Variants in THRAP3 observed in about 807,000 individuals in gnomAD.
The protein encoded by THRAP3 is thyroid hormone receptor-associated protein 3.
Under a neutral mutation model 101.0 loss-of-function variants are expected in THRAP3, and 16 were observed. The observed-to-expected ratio is 0.16, with a 90% CI of 0.11 to 0.24. The LOEUF (loss-of-function observed/expected upper bound fraction) is 0.24. THRAP3 is among the 10% of genes least tolerant of loss of function. The pLI is 1.00. For missense variants in THRAP3, 989 were observed against 1,202.7 expected, an observed-to-expected ratio of 0.82 and a Z score of 2.63; for synonymous variants, 407 against 422.6, an observed-to-expected ratio of 0.96 and a Z score of 0.45.
chr1:36,271,591 CTTTTTTTTTT>C (rs34782789), intron 2 of THRAP3, among the ~76,000 whole-genome samples: 1 of 60,136 alleles, frequency 1.7e-5, no homozygotes, highest in African/African-American at 6.0e-5. Context: ...TTTTTCTTAT[CTTTTTTTTTT>C]TTTTTTTTTT....
At chr1:36,235,491 T>G (rs1307221901) in intron 1 of THRAP3, among the ~76,000 whole-genome samples, 1 of 152,146 alleles carries the variant, frequency 6.6e-6, no homozygotes, top group Non-Finnish European at 1.5e-5. Flanking sequence ...AAAAATTGGT[T>G]GACCATTTTG....
the THRAP3 span, among the ~76,000 whole-genome samples, chr1:36,208,056 G>A: frequency 3.3e-5 from 5 of 152,148 alleles, no homozygotes; most frequent in Non-Finnish European, 5.9e-5. Context: ...GCCTACCAAA[G>A]TGCTGGGATT....
chr1:36,237,162 C>G (rs545852893), intron 1 of THRAP3, among the ~76,000 whole-genome samples: 1 of 151,240 alleles, frequency 6.6e-6, no homozygotes, highest in South Asian at 2.1e-4. Context: ...AACTCCATCT[C>G]AAAACAAAAA....
chr1:36,258,975 C>T (rs1246367441), intron 1 of THRAP3, among the ~76,000 whole-genome samples: 2 of 152,134 alleles, frequency 1.3e-5, no homozygotes, highest in African/African-American at 2.4e-5. Flanking sequence ...TGGGTAGGTA[C>T]GGAGAGTTAC....
At position 36,286,494 on chromosome 1, in the gene THRAP3, G is replaced by T. The variant is rs1274587508; in HGVS notation, c.264G>T (p.Gly88=). The T allele has an allele frequency of 6.2e-7, 1 of 1,614,012 alleles. No individual in the cohort carries two copies. The highest frequency in any genetic ancestry group is 1.3e-5 in the African/African-American group (1 of 74,892). ...RGYRRPYYFR[G]RNRGFYPWGQ... ...ATAGAAGGCCCTATTATTTCCGTGG[G>T]CGTAACAGAGGCTTTTATCCATGGG... Residue 88 remains glycine, a synonymous_variant, in exon 4 of 12, where the codon GGG becomes GGT. Coordinates refer to ENST00000354618, the MANE Select transcript of THRAP3 (RefSeq NM_005119.4). This position sits in a 1 kb window ranked among gnomAD's most constrained non-coding sequence, Gnocchi z 5.5.
intron 2 of THRAP3, among the ~76,000 whole-genome samples, chr1:36,274,438 C>T (rs953249718): frequency 1.3e-5 from 2 of 152,052 alleles, no homozygotes; most frequent in Non-Finnish European, 2.9e-5. Flanking sequence ...TTCATATGGA[C>T]ATGTACCTAG....
At position 36,286,743 on chromosome 1, in the gene THRAP3, T is replaced by C. The variant is rs766588276; in HGVS notation, c.513T>C (p.Ser171=). ...CCTCCAACCATAGCCGAGTTGAATC[T>C]TCTAAGCGCAAGTCTGCAAAGGAGA... is the stretch of plus-strand genomic sequence containing the variant. ...RSSSNHSRVE[S]SKRKSAKEKK... is the part of the protein sequence containing the mutation. The change falls in exon 4 of 12, where the codon TCT becomes TCC. Residue 171 remains serine, a synonymous_variant. Transcript: ENST00000354618. This position sits in a 1 kb window ranked among gnomAD's most constrained non-coding sequence, Gnocchi z 5.5. 6.2e-7 allele frequency: 1 copy of C among 1,614,112 alleles called. No homozygotes were observed. The highest frequency in any genetic ancestry group is 1.3e-5 in the African/African-American group (1 of 74,948).
At chr1:36,243,440 A>G (rs1354635733) in intron 1 of THRAP3, among the ~76,000 whole-genome samples, 1 of 151,986 alleles carries the variant, frequency 6.6e-6, no homozygotes, top group Non-Finnish European at 1.5e-5. Flanking sequence ...TTAACAAAGC[A>G]CATCTTGCAC....
At position 36,301,010 on chromosome 1, in the gene THRAP3, G is replaced by A. The variant is rs1646024483; in HGVS notation, c.2428G>A (p.Asp810Asn). 1 of 1,614,184 alleles carries A rather than the reference G, an allele frequency of 6.2e-7. No individual in the cohort carries two copies. Among genetic ancestry groups the A allele is most frequent in the South Asian group, 1.1e-5 (1 of 91,074 alleles). ...AAGAGAGGAGAGCACCACGGGCTTT[G>A]ACAAATCAAGACTGGGGACCAAAGA... ...EEREESTTGF[D>N]KSRLGTKDFV... is the part of the protein sequence containing the mutation. Residue 810 changes from aspartate to asparagine, a missense_variant, in exon 10 of 12, where the codon GAC becomes AAC. By Grantham distance (23) the Asp-to-Asn change is conservative (BLOSUM62 1). Coordinates refer to ENST00000354618, the MANE Select transcript of THRAP3 (RefSeq NM_005119.4).
intron 1 of THRAP3, among the ~76,000 whole-genome samples, chr1:36,232,774 G>A (rs1452169008): frequency 6.6e-6 from 1 of 152,146 alleles, no homozygotes; most frequent in Non-Finnish European, 1.5e-5. Context: ...TAGGTGAGTA[G>A]ATTGCCAAGG....
At chr1:36,224,648 C>T (rs1644938962) in intron 1 of THRAP3, 143 bp downstream of exon 1, 2 of 152,600 alleles carry the variant, frequency 1.3e-5, no homozygotes, top group South Asian at 2.1e-4. Context: ...ACCCTGGCCT[C>T]TTCTGAGCGG....
Position 36,304,869 on chromosome 1 carries a change from A to G in THRAP3, c.*852A>G, listed in dbSNP as rs1646080332. ...GGTCTGTTTTCTAAGAAACTTATGA[A>G]TTCTATTATCTTTACAAATATGAGA... On this transcript the variant is annotated 3_prime_UTR_variant, in exon 12 of 12. Transcript: ENST00000354618. 4.8e-6 allele frequency: 1 copy of G among 206,354 alleles called. No homozygotes were observed. Among genetic ancestry groups the G allele is most frequent in the Non-Finnish European group, 9.9e-6 (1 of 100,856 alleles). 12.8% of individuals were successfully genotyped at this position (206,354 alleles called of 1,614,324 possible). A position where few individuals can be genotyped will look rare whatever the true frequency, so the allele number is the denominator to read the frequency against.
intron 1 of THRAP3, among the ~76,000 whole-genome samples, chr1:36,254,265 A>C (rs1224129220): frequency 2.6e-5 from 4 of 152,144 alleles, no homozygotes. Context: ...TTCTCCACAG[A>C]TATTTTTTAC....
chr1:36,233,471 A>T (rs924718640), intron 1 of THRAP3, among the ~76,000 whole-genome samples: 9 of 150,860 alleles, frequency 6.0e-5, no homozygotes, highest in African/African-American at 2.0e-4. Flanking sequence ...GTGTGACTGC[A>T]CTCCAGCCTT....
rs556506926 is a variant in THRAP3, at chr1:36,286,106, T to C, written c.138-262T>C. On this transcript the variant is annotated intron_variant, in intron 3 of 11. Transcript: ENST00000354618. The surrounding 1 kb of genome is among the most constrained non-coding windows in gnomAD (Gnocchi z 5.5). ...AAAATGTTGATAGTTTTTCAGTCAC[T>C]GTAGAAGTACACCTCCATTTTAAAT... 1.3e-5 allele frequency among the ~76,000 whole-genome samples: 2 copies of C among 152,358 alleles called. No homozygotes were observed. Among genetic ancestry groups the C allele is most frequent in the East Asian group, 3.9e-4 (2 of 5,192 alleles).
chr1:36,245,940 A>T (rs907484225), intron 1 of THRAP3, among the ~76,000 whole-genome samples: 1 of 152,202 alleles, frequency 6.6e-6, no homozygotes, highest in Non-Finnish European at 1.5e-5. Context: ...ACCTGAGTGC[A>T]TATCTGTGCT....
chr1:36,291,075 A>C (rs1319603894), intron 5 of THRAP3, among the ~76,000 whole-genome samples: 1 of 152,204 alleles, frequency 6.6e-6, no homozygotes, highest in African/African-American at 2.4e-5. Context: ...AGTGTGAGCC[A>C]CTGCACCCAG....
chr1:36,259,102 A>G (rs567669391), intron 1 of THRAP3, among the ~76,000 whole-genome samples: 3 of 152,334 alleles, frequency 2.0e-5, no homozygotes, highest in African/African-American at 7.2e-5. Flanking sequence ...GAGCTTGTGA[A>G]TTAGTCTTGC....
At chr1:36,275,099 C>T (rs1645640417) in intron 2 of THRAP3, among the ~76,000 whole-genome samples, 1 of 119,668 alleles carries the variant, frequency 8.4e-6, no homozygotes, top group Non-Finnish European at 1.8e-5. Context: ...CGGTGAAACC[C>T]CGTCTCTACT....
Sources: allele counts gnomAD v4.1 joint callset (sites outside exome capture counted in the v4.1 genomes callset), GRCh38; gene constraint gnomAD v4.1.1; non-coding constraint Gnocchi (gnomAD v3.1); transcripts MANE v1.5; gene names NCBI Gene and HGNC (gene_info 2026-07-23, HGNC 2026-07-21).